The following AEBP2 variants were observed in gnomAD, a reference collection of about 807,000 sequenced individuals.
AEBP2 encodes the protein zinc finger protein AEBP2.
A neutral mutation model predicts 50.8 loss-of-function variants in AEBP2; 10 were observed. That is an observed-to-expected ratio of 0.20 (90% CI 0.12 to 0.33). The LOEUF is 0.33. Among genes scored for constraint, AEBP2 ranks in the 10% least tolerant of loss-of-function variants. The probability of loss-of-function intolerance (pLI) is 1.00; values close to 1 mark genes in which losing one functional copy is unlikely to be tolerated. For synonymous variants in AEBP2, 296 were observed against 261.3 expected (o/e 1.13, Z -1.28); for missense variants, 570 against 688.0 (o/e 0.83, Z 1.92).
chr12:19,514,278 G>A (rs1949286758), intron 6 of AEBP2, among the ~76,000 whole-genome samples: 1 of 152,084 alleles, frequency 6.6e-6, no homozygotes, highest in Non-Finnish European at 1.5e-5. Flanking sequence ...GGAATTAGAG[G>A]AAGGAGCCAC....
At chr12:19,492,477 T>C (rs1235988351) in intron 3 of AEBP2, among the ~76,000 whole-genome samples, 1 of 152,150 alleles carries the variant, frequency 6.6e-6, no homozygotes, top group Non-Finnish European at 1.5e-5. Flanking sequence ...ATGGATATTG[T>C]AGAGGGCGGC....
At chr12:19,514,897 C>G in intron 7 of AEBP2, 113 bp downstream of exon 7, 1 of 728,550 alleles carries the variant, frequency 1.4e-6, no homozygotes, top group Non-Finnish European at 2.2e-6. Flanking sequence ...CCAAGCATAT[C>G]TCATTACTTC....
At position 19,440,854 on chromosome 12, in the gene AEBP2, C is replaced by T. The variant is rs1947944973; in HGVS notation, c.671+484C>T. 3.4e-6 allele frequency: 4 copies of T among 1,164,034 alleles called. No homozygotes were observed. The South Asian group carries it at 4.4e-5, about 13-fold the overall frequency. 72.1% of individuals were successfully genotyped at this position (1,164,034 alleles called of 1,614,324 possible). ...TCCATGGGAGAGACCCCAGCTATCA[C>T]TTTTCTCTACTTAAACAAAAAAAGG... is the stretch of plus-strand genomic sequence containing the variant. On this transcript the variant is annotated intron_variant, in intron 1 of 7. Transcript: ENST00000266508.
chr12:19,480,249 G>T (rs1042243320), intron 3 of AEBP2, among the ~76,000 whole-genome samples: 5 of 152,026 alleles, frequency 3.3e-5, no homozygotes, highest in Non-Finnish European at 5.9e-5. Context: ...GATTATAGGT[G>T]CCCACCACCA....
chr12:19,427,494 A>G (rs1040852206), intron 1 of AEBP2, among the ~76,000 whole-genome samples: 12 of 151,796 alleles, frequency 7.9e-5, no homozygotes, highest in African/African-American at 2.9e-4. Context: ...GACTTATACC[A>G]GTGACTCCAT....
chr12:19,445,117 G>C (rs1293431760), intron 1 of AEBP2, among the ~76,000 whole-genome samples: 1 of 152,148 alleles, frequency 6.6e-6, no homozygotes, highest in African/African-American at 2.4e-5. Flanking sequence ...GTGAATTGTA[G>C]AGTATTTGGT....
At chr12:19,483,122 A>C (rs944575405) in intron 3 of AEBP2, among the ~76,000 whole-genome samples, 11 of 151,844 alleles carry the variant, frequency 7.2e-5, no homozygotes, top group Non-Finnish European at 1.5e-4. Flanking sequence ...AATTGTTACT[A>C]TCTCATTTAG....
In AEBP2 at chr12:19,520,504, C is replaced by T. The variant is rs939983343; in HGVS notation, c.*2387C>T. The T allele has an allele frequency of 2.0e-5, 3 of 152,106 alleles. No individual in the cohort carries two copies. Among genetic ancestry groups the T allele is most frequent in the Non-Finnish European group, 4.4e-5 (3 of 68,012 alleles). The allele number at this position is 152,106 out of a possible 1,614,324, so 9.4% of individuals were successfully genotyped here. A position where few individuals can be genotyped will look rare whatever the true frequency, so the allele number is the denominator to read the frequency against. On this transcript the variant is annotated 3_prime_UTR_variant, in exon 8 of 8. Transcript: ENST00000266508. ...TATAACTTGTATGTATACATATATA[C>T]ACATAACATCCAATTATGACTGGGT...
intron 5 of AEBP2, chr12:19,509,069 G>A (rs1949195386): frequency 5.1e-6 from 3 of 588,704 alleles, no homozygotes; most frequent in South Asian, 3.3e-5. Context: ...ACATGGAGGG[G>A]TTCGTGCTGT....
chr12:19,513,937 A>AT (rs1949276382), intron 6 of AEBP2, among the ~76,000 whole-genome samples: 1 of 77,200 alleles, frequency 1.3e-5, no homozygotes, highest in African/African-American at 4.7e-5. Flanking sequence ...CAGGGTTTTT[A>AT]TTTATTTCTT....
At chr12:19,416,245 T>C (rs1449175552) in intron 1 of AEBP2, among the ~76,000 whole-genome samples, 1 of 152,202 alleles carries the variant, frequency 6.6e-6, no homozygotes, top group African/African-American at 2.4e-5. Context: ...AAACAGAATT[T>C]ATCTAAAAGT....
chr12:19,464,591 A>AT (rs1431862703), intron 2 of AEBP2, among the ~76,000 whole-genome samples: 1 of 148,796 alleles, frequency 6.7e-6, no homozygotes, highest in Non-Finnish European at 1.5e-5. Context: ...TTAATTAATT[A>AT]ATTTTTTTTT....
chr12:19,447,737 C>T (rs1462786457), intron 1 of AEBP2, among the ~76,000 whole-genome samples: 1 of 152,168 alleles, frequency 6.6e-6, no homozygotes, highest in Non-Finnish European at 1.5e-5. Context: ...AAGAATACTC[C>T]AGCTGAGGAT....
intron 3 of AEBP2, among the ~76,000 whole-genome samples, chr12:19,492,907 T>C (rs1490841515): frequency 6.6e-6 from 1 of 151,740 alleles, no homozygotes; most frequent in African/African-American, 2.4e-5. Flanking sequence ...GCCTGGGAGG[T>C]TGAGGCTGCA....
At chr12:19,486,177 C>G (rs911001034) in intron 3 of AEBP2, among the ~76,000 whole-genome samples, 7 of 152,086 alleles carry the variant, frequency 4.6e-5, no homozygotes, top group African/African-American at 1.7e-4. Flanking sequence ...ATTCTAATTT[C>G]TTTCATACTT....
At chr12:19,454,941 C>T (rs930183117) in intron 1 of AEBP2, among the ~76,000 whole-genome samples, 23 of 152,022 alleles carry the variant, frequency 1.5e-4, no homozygotes, top group Non-Finnish European at 4.4e-5. Flanking sequence ...AAAGTATTCC[C>T]GTTTAGAAAC....
intron 3 of AEBP2, among the ~76,000 whole-genome samples, chr12:19,491,312 AGG>A (rs1451573814): frequency 3.3e-5 from 5 of 152,162 alleles, no homozygotes; most frequent in African/African-American, 1.2e-4. Context: ...TGCCATTCTT[AGG>A]GTTGTTGTAT....
intron 5 of AEBP2, among the ~76,000 whole-genome samples, chr12:19,505,371 G>A (rs919407447): frequency 2.0e-5 from 3 of 152,202 alleles, no homozygotes; most frequent in African/African-American, 4.8e-5. Flanking sequence ...CACCTACTGT[G>A]AGCCAGGTAC....
chr12:19,435,341 C>T (rs932011558), upstream of AEBP2, among the ~76,000 whole-genome samples: 1 of 150,330 alleles, frequency 6.7e-6, no homozygotes, highest in African/African-American at 2.5e-5. Context: ...AGTGCAGTGG[C>T]GCAATTTCGG....
Sources: gnomAD v4.1 joint callset for allele counts (sites outside exome capture counted in the v4.1 genomes callset) on GRCh38, gnomAD v4.1.1 for gene constraint, MANE v1.5 for transcripts, NCBI Gene and HGNC (gene_info 2026-07-23, HGNC 2026-07-21) for gene names.